Variants in CAMK2D observed in about 807,000 individuals in gnomAD.
The protein encoded by CAMK2D is calcium/calmodulin-dependent protein kinase type II subunit delta.
A neutral mutation model predicts 84.0 loss-of-function variants in CAMK2D; 37 were observed. That is an observed-to-expected ratio of 0.44 (90% CI 0.34 to 0.58). The LOEUF (loss-of-function observed/expected upper bound fraction) is 0.58. CAMK2D is among the 20% of genes least tolerant of loss of function. The probability of loss-of-function intolerance (pLI) is 0.02; values close to 1 mark genes in which losing one functional copy is unlikely to be tolerated. For missense variants in CAMK2D, 448 were observed against 652.5 expected, an observed-to-expected ratio of 0.69 and a Z score of 3.41; for synonymous variants, 202 against 212.5, an observed-to-expected ratio of 0.95 and a Z score of 0.43.
intron 4 of CAMK2D, among the ~76,000 whole-genome samples, chr4:113,560,905 A>G (rs1591252824): frequency 6.6e-6 from 1 of 152,324 alleles, no homozygotes; most frequent in South Asian, 2.1e-4. Context: ...ATAGTCTCAT[A>G]AAGGCTAAGG....
rs1186499131 is a variant in CAMK2D at position 113,512,048 on chromosome 4, T to C, written c.946+1280A>G. Reference sequence around the variant, plus strand: ...AAAACAAAATAAAGAATTGAAAAAATAGCTGGACAGTTTGATGCTGCAGAT... The same window carrying C: ...AAAACAAAATAAAGAATTGAAAAAACAGCTGGACAGTTTGATGCTGCAGAT... On this transcript the variant is annotated intron_variant, in intron 12 of 20. Coordinates refer to ENST00000511664, the MANE Select transcript of CAMK2D (RefSeq NM_001321571.2). Among the ~76,000 whole-genome samples, 6 of 152,102 alleles carry C rather than the reference T, an allele frequency of 3.9e-5. No individual in the cohort carries two copies. The East Asian group carries it at 1.2e-3, about 29-fold the overall frequency.
At chr4:113,746,955 A>C (rs900405229) in intron 2 of CAMK2D, among the ~76,000 whole-genome samples, 1 of 148,714 alleles carries the variant, frequency 6.7e-6, no homozygotes, top group Non-Finnish European at 1.5e-5. Context: ...TCAACCAAAA[A>C]AAAAAAAAAT....
Position 113,761,032 on chromosome 4 carries a change from C to G in CAMK2D, c.37G>C (p.Glu13Gln). The change falls in exon 1 of 21, where the codon GAG becomes CAG. Residue 13 changes from glutamate to glutamine, a missense_variant. By Grantham distance (29) the Glu-to-Gln change is conservative (BLOSUM62 2). Transcript: ENST00000511664. The part of the protein sequence containing the change: ...STTTCTRFTD[E>Q]YQLFEELGKG... The stretch of plus-strand genomic sequence containing the variant: ...CCAAGCTCCTCGAAAAGCTGATACT[C>G]GTCCGTGAACCTGGTGCAGGTTGTG... 1 of 1,614,212 alleles carries G rather than the reference C, an allele frequency of 6.2e-7. No individual in the cohort carries two copies. The highest frequency in any genetic ancestry group is 1.3e-5 in the African/African-American group (1 of 75,066).
intron 5 of CAMK2D, among the ~76,000 whole-genome samples, chr4:113,549,559 G>T (rs2098608511): frequency 6.6e-6 from 1 of 152,162 alleles, no homozygotes; most frequent in Non-Finnish European, 1.5e-5. Flanking sequence ...TTAGAGAGGA[G>T]AAATCCTTGT....
intron 8 of CAMK2D, among the ~76,000 whole-genome samples, chr4:113,525,794 T>C (rs1186204930): frequency 6.6e-6 from 1 of 152,208 alleles, no homozygotes; most frequent in African/African-American, 2.4e-5. Context: ...TTTTGTTTTC[T>C]GAGTAGTGTA....
At chr4:113,670,510 G>A (rs1238068581) in intron 2 of CAMK2D, among the ~76,000 whole-genome samples, 2 of 151,682 alleles carry the variant, frequency 1.3e-5, no homozygotes, top group African/African-American at 2.4e-5. Context: ...CTATTATAGA[G>A]GACTGATGAG....
chr4:113,705,530 A>G (rs2099447635), intron 2 of CAMK2D, among the ~76,000 whole-genome samples: 1 of 152,120 alleles, frequency 6.6e-6, no homozygotes. Flanking sequence ...AGAAGGAGAC[A>G]ATGTAAGCTA....
chr4:113,632,250 G>C (rs1346492328), intron 3 of CAMK2D, among the ~76,000 whole-genome samples: 12 of 151,984 alleles, frequency 7.9e-5, no homozygotes, highest in Admixed American at 7.9e-4. Flanking sequence ...ATTTGATATG[G>C]AGTTTCGCTC....
chr4:113,634,384 T>C (rs889927404), intron 3 of CAMK2D, among the ~76,000 whole-genome samples: 1 of 152,152 alleles, frequency 6.6e-6, no homozygotes, highest in Non-Finnish European at 1.5e-5. Flanking sequence ...AAAGACAGAA[T>C]TGGGCAATTA....
chr4:113,636,709 C>T (rs2099111066), intron 3 of CAMK2D, among the ~76,000 whole-genome samples: 1 of 152,108 alleles, frequency 6.6e-6, no homozygotes, highest in Non-Finnish European at 1.5e-5. Flanking sequence ...TAGTCACTTC[C>T]TCTTCTTATA....
At chr4:113,575,182 G>A (rs1165326192) in intron 4 of CAMK2D, among the ~76,000 whole-genome samples, 2 of 152,030 alleles carry the variant, frequency 1.3e-5, no homozygotes, top group African/African-American at 2.4e-5. Flanking sequence ...AAAAAGAAGG[G>A]TAATTATTTA....
At chr4:113,654,717 T>C (rs1029943124) in intron 3 of CAMK2D, among the ~76,000 whole-genome samples, 4 of 152,026 alleles carry the variant, frequency 2.6e-5, no homozygotes, top group Non-Finnish European at 4.4e-5. Context: ...ATTAAAGAAC[T>C]GTGACTTTGG....
At position 113,731,279 on chromosome 4, in the gene CAMK2D, C is replaced by T. The variant is rs188531679; in HGVS notation, c.160+28041G>A. ...TGACCGCAGGCCATTCATTTTATAA[C>T]TCTGTGTATTAGCATTCCCGGGTCT... On this transcript the variant is annotated intron_variant, in intron 2 of 20. Coordinates refer to ENST00000511664, the MANE Select transcript of CAMK2D (RefSeq NM_001321571.2). Among the ~76,000 whole-genome samples, 31 of 152,280 alleles carry T rather than the reference C, an allele frequency of 2.0e-4. 1 individual carries two copies. Among genetic ancestry groups the T allele is most frequent in the East Asian group, 7.7e-4 (4 of 5,182 alleles).
intron 7 of CAMK2D, among the ~76,000 whole-genome samples, chr4:113,533,361 T>A (rs1394440283): frequency 6.6e-6 from 1 of 152,034 alleles, no homozygotes; most frequent in Non-Finnish European, 1.5e-5. Flanking sequence ...GGGGGTAAAA[T>A]AGAGAAGACC....
chr4:113,567,812 A>G (rs1254591125), intron 4 of CAMK2D, among the ~76,000 whole-genome samples: 2 of 152,200 alleles, frequency 1.3e-5, no homozygotes, highest in Non-Finnish European at 2.9e-5. Flanking sequence ...AAGAGCTAAA[A>G]TAGTTGAAGA....
intron 2 of CAMK2D, among the ~76,000 whole-genome samples, chr4:113,758,364 T>C (rs376093169): frequency 2.0e-4 from 30 of 152,164 alleles, no homozygotes; most frequent in African/African-American, 6.5e-4. Flanking sequence ...AAACTAATCA[T>C]GGCAGAGACC....
chr4:113,626,836 A>C (rs1273094103), intron 3 of CAMK2D, among the ~76,000 whole-genome samples: 1 of 152,212 alleles, frequency 6.6e-6, no homozygotes, highest in Non-Finnish European at 1.5e-5. Flanking sequence ...GTTTTAAAAA[A>C]AACTCTCTTC....
At chr4:113,722,849 A>G (rs1562050047) in intron 2 of CAMK2D, among the ~76,000 whole-genome samples, 1 of 152,092 alleles carries the variant, frequency 6.6e-6, no homozygotes, top group Non-Finnish European at 1.5e-5. Context: ...AAATTTATCA[A>G]TCACGTTAAG....
At chr4:113,723,444 G>A (rs895788501) in intron 2 of CAMK2D, among the ~76,000 whole-genome samples, 1 of 151,858 alleles carries the variant, frequency 6.6e-6, no homozygotes, top group Non-Finnish European at 1.5e-5. Flanking sequence ...GGCTGGCCTC[G>A]AACTCATGGC....
Sources: allele counts gnomAD v4.1 joint callset (sites outside exome capture counted in the v4.1 genomes callset), GRCh38; gene constraint gnomAD v4.1.1; transcripts MANE v1.5; gene names NCBI Gene and HGNC (gene_info 2026-07-23, HGNC 2026-07-21).